Variants in THSD7A observed in about 807,000 individuals in gnomAD.
THSD7A encodes thrombospondin type-1 domain-containing protein 7A.
A neutral mutation model predicts 231.3 loss-of-function variants in THSD7A; 96 were observed. That is an observed-to-expected ratio of 0.41 (90% CI 0.35 to 0.49). THSD7A has a LOEUF of 0.49. Ranked by LOEUF, THSD7A falls within the 20% of genes least tolerant of loss-of-function variation. THSD7A has a pLI of 0.05. For synonymous variants in THSD7A, 940 were observed against 743.3 expected, an observed-to-expected ratio of 1.26 and a Z score of -4.30; for missense variants, 2,290 against 2,070.2, an observed-to-expected ratio of 1.11 and a Z score of -2.06.
intron 1 of THSD7A, among the ~76,000 whole-genome samples, chr7:11,828,240 G>T (rs1030669968): frequency 2.6e-5 from 4 of 152,152 alleles, no homozygotes; most frequent in Admixed American, 1.3e-4. Context: ...CACTGGATTG[G>T]CATGAAATCT....
intron 2 of THSD7A, among the ~76,000 whole-genome samples, chr7:11,623,346 C>T (rs1045165485): frequency 1.3e-5 from 2 of 152,044 alleles, no homozygotes; most frequent in Non-Finnish European, 2.9e-5. Flanking sequence ...ACTTGCATGA[C>T]CCTGGGGGTG....
At chr7:11,394,403 G>A (rs571052221) in intron 23 of THSD7A, among the ~76,000 whole-genome samples, 1 of 152,092 alleles carries the variant, frequency 6.6e-6, no homozygotes, top group African/African-American at 2.4e-5. Context: ...CTGCAAACAT[G>A]TAGATCAGTC....
chr7:11,413,792 T>A (rs1783868925), intron 17 of THSD7A: 1 of 152,222 alleles, frequency 6.6e-6, no homozygotes, highest in Non-Finnish European at 1.5e-5. Context: ...CTTTTCCATT[T>A]TTTTGCATGT....
At chr7:11,618,585 A>T (rs1040008276) in intron 2 of THSD7A, among the ~76,000 whole-genome samples, 2 of 152,014 alleles carry the variant, frequency 1.3e-5, no homozygotes, top group African/African-American at 2.4e-5. Context: ...GCGGATCACG[A>T]GGTCAGGAGA....
chr7:11,601,187 A>G lies in THSD7A; in HGVS notation c.1023-7685T>C, dbSNP rs527261736. ...TCTTCCTAATATTTTTTTCGTATTCATATGTATACATTATCCTCTTTTTCA... is the reference window on the plus strand; with the variant it reads ...TCTTCCTAATATTTTTTTCGTATTCGTATGTATACATTATCCTCTTTTTCA... On this transcript the variant is annotated intron_variant, in intron 2 of 27. Coordinates refer to ENST00000423059, the MANE Select transcript of THSD7A (RefSeq NM_015204.3). Among the ~76,000 whole-genome samples, 5 of 152,206 alleles carry G rather than the reference A, an allele frequency of 3.3e-5. No homozygotes were observed. The East Asian group carries it at 9.7e-4, about 29-fold the overall frequency.
intron 23 of THSD7A, among the ~76,000 whole-genome samples, 169 bp downstream of exon 23, chr7:11,401,626 G>C (rs1453923124): frequency 6.6e-6 from 1 of 152,090 alleles, no homozygotes; most frequent in Non-Finnish European, 1.5e-5. Context: ...GGCCAGGCTG[G>C]TCTCACAACT....
intron 1 of THSD7A, chr7:11,820,479 T>C: frequency 9.3e-7 from 1 of 1,074,802 alleles, no homozygotes; most frequent in Non-Finnish European, 1.3e-6. Context: ...GAGGTCATCA[T>C]GCAAGTAATA....
chr7:11,546,579 A>G (rs1306367012), intron 4 of THSD7A, among the ~76,000 whole-genome samples: 1 of 152,200 alleles, frequency 6.6e-6, no homozygotes, highest in African/African-American at 2.4e-5. Context: ...AACAGACAGC[A>G]GTTTCAAAGA....
Position 11,637,382 on chromosome 7 carries a change from G to T in THSD7A, c.191-421C>A, listed in dbSNP as rs1044835947. On this transcript the variant is annotated intron_variant, in intron 1 of 27. Coordinates refer to ENST00000423059, the MANE Select transcript of THSD7A (RefSeq NM_015204.3). The surrounding 1 kb of genome is among the most constrained non-coding windows in gnomAD (Gnocchi z 4.2). Reference sequence around the variant, plus strand: ...CCCGTGTGAAGAACTTCTCCTGCAGGCATTTCTCTTCCTGGACAGTTAACT... The same window carrying T: ...CCCGTGTGAAGAACTTCTCCTGCAGTCATTTCTCTTCCTGGACAGTTAACT... Among the ~76,000 whole-genome samples, 8 of 152,138 alleles carry T rather than the reference G, an allele frequency of 5.3e-5. No individual in the cohort carries two copies. The highest frequency in any genetic ancestry group is 1.9e-4 in the African/African-American group (8 of 41,426).
intron 6 of THSD7A, 22 bp downstream of exon 6, chr7:11,541,397 A>C: frequency 6.2e-7 from 1 of 1,611,754 alleles, no homozygotes; most frequent in Non-Finnish European, 8.5e-7. Flanking sequence ...CCATAAAAAC[A>C]TAATAGATAC....
intron 1 of THSD7A, among the ~76,000 whole-genome samples, chr7:11,753,146 C>G (rs763382519): frequency 6.6e-6 from 1 of 151,994 alleles, no homozygotes; most frequent in Non-Finnish European, 1.5e-5. Context: ...ATTTATATAT[C>G]ACTGCATCTT....
Position 11,590,509 on chromosome 7 carries a change from C to T in THSD7A, c.1404G>A (p.Gln468=). The T allele has an allele frequency of 6.2e-7, 1 of 1,613,740 alleles. No homozygotes were observed. Among genetic ancestry groups the T allele is most frequent in the Non-Finnish European group, 8.5e-7 (1 of 1,179,780 alleles). The change falls in exon 4 of 28, where the codon CAG becomes CAA. Residue 468 remains glutamine (Q), a synonymous_variant. Transcript: ENST00000423059. The surrounding 1 kb of genome is among the most constrained non-coding windows in gnomAD (Gnocchi z 4.4). The part of the protein sequence containing the change: ...GIQTREVYCV[Q]ANENLLSQLS... Reference sequence around the variant, plus strand: ...ATTGTGAGAGGAGGTTTTCGTTGGCCTGCACGCAGTACACCTCTCGGGTCT... The same window carrying T: ...ATTGTGAGAGGAGGTTTTCGTTGGCTTGCACGCAGTACACCTCTCGGGTCT...
chr7:11,718,255 A>T (rs1216937467), intron 1 of THSD7A, among the ~76,000 whole-genome samples: 1 of 151,634 alleles, frequency 6.6e-6, no homozygotes, highest in Non-Finnish European at 1.5e-5. Context: ...ACATTTATTT[A>T]ATAAAGGGAA....
At chr7:11,606,317 A>G (rs1780730345) in intron 2 of THSD7A, among the ~76,000 whole-genome samples, 1 of 152,102 alleles carries the variant, frequency 6.6e-6, no homozygotes, top group African/African-American at 2.4e-5. Flanking sequence ...TAGGAAATCA[A>G]ATGAAAACAA....
chr7:11,629,734 A>T (rs1781587488), intron 2 of THSD7A, among the ~76,000 whole-genome samples: 1 of 152,162 alleles, frequency 6.6e-6, no homozygotes, highest in African/African-American at 2.4e-5. Flanking sequence ...ATAGAAATTC[A>T]CCCTGATGTT....
chr7:11,493,826 G>C (rs909818568), intron 6 of THSD7A, among the ~76,000 whole-genome samples: 1 of 151,982 alleles, frequency 6.6e-6, no homozygotes, highest in African/African-American at 2.4e-5. Flanking sequence ...AGAAGGTAAT[G>C]AAGTTTTATG....
intron 2 of THSD7A, among the ~76,000 whole-genome samples, chr7:11,630,917 G>A (rs1781625440): frequency 6.6e-6 from 1 of 152,324 alleles, no homozygotes; most frequent in South Asian, 2.1e-4. Context: ...GGCAATCACA[G>A]GCTATGCTTG....
intron 4 of THSD7A, among the ~76,000 whole-genome samples, chr7:11,582,792 A>C (rs1234637905): frequency 6.6e-6 from 1 of 152,152 alleles, no homozygotes; most frequent in Admixed American, 6.6e-5. Flanking sequence ...CTTTGTAAAT[A>C]ATGTTTTTCT....
chr7:11,694,100 C>G (rs1780317047), intron 1 of THSD7A, among the ~76,000 whole-genome samples: 1 of 151,424 alleles, frequency 6.6e-6, no homozygotes, highest in Non-Finnish European at 1.5e-5. Flanking sequence ...AGTTTGGTCA[C>G]TCTTAACTAC....
Sources: gnomAD v4.1 joint callset for allele counts (sites outside exome capture counted in the v4.1 genomes callset) on GRCh38, gnomAD v4.1.1 for gene constraint, Gnocchi (gnomAD v3.1) non-coding constraint, MANE v1.5 for transcripts, NCBI Gene and HGNC (gene_info 2026-07-23, HGNC 2026-07-21) for gene names.